SLC4A4: variants seen among roughly 807,000 people sequenced by gnomAD.
SLC4A4 encodes the protein electrogenic sodium bicarbonate cotransporter 1.
In SLC4A4, 27 loss-of-function variants were observed where a neutral mutation model predicts 111.5. The observed-to-expected ratio is 0.24, with a 90% confidence interval of 0.18 to 0.33. The LOEUF is 0.33. SLC4A4 is among the 10% of genes least tolerant of loss of function. SLC4A4 has a pLI of 1.00. For missense variants in SLC4A4, 909 were observed against 1,315.5 expected, an observed-to-expected ratio of 0.69 and a Z score of 4.78; for synonymous variants, 443 against 463.4, an observed-to-expected ratio of 0.96 and a Z score of 0.57.
chr4:71,483,764 G>A (rs1729112003), intron 14 of SLC4A4, among the ~76,000 whole-genome samples: 1 of 151,940 alleles, frequency 6.6e-6, no homozygotes, highest in African/African-American at 2.4e-5. Context: ...TTTCCACAAT[G>A]GTTGAACTAA....
At chr4:71,177,691 G>T (rs889673780) in intron 2 of SLC4A4, among the ~76,000 whole-genome samples, 1 of 152,106 alleles carries the variant, frequency 6.6e-6, no homozygotes, top group African/African-American at 2.4e-5. Context: ...CATCCTTAGT[G>T]ACCTACAAAG....
chr4:71,337,650 T>G (rs1235325178), intron 3 of SLC4A4, among the ~76,000 whole-genome samples: 1 of 152,192 alleles, frequency 6.6e-6, no homozygotes, highest in Non-Finnish European at 1.5e-5. Context: ...ATACACTATT[T>G]AAAAATTTTC....
chr4:71,118,671 T>C (rs1307516058), intron 2 of SLC4A4, among the ~76,000 whole-genome samples: 1 of 152,194 alleles, frequency 6.6e-6, no homozygotes, highest in African/African-American at 2.4e-5. Context: ...TTATTTGATG[T>C]AGAATTCTAG....
At chr4:71,511,992 TCA>T (rs2149176263) in intron 16 of SLC4A4, among the ~76,000 whole-genome samples, 1 of 152,288 alleles carries the variant, frequency 6.6e-6, no homozygotes, top group African/African-American at 2.4e-5. Flanking sequence ...TATGTATATG[TCA>T]CATTTTCTTT....
chr4:71,067,963 G>C (rs1741566717), intron 1 of SLC4A4, among the ~76,000 whole-genome samples: 1 of 151,644 alleles, frequency 6.6e-6, no homozygotes, highest in Non-Finnish European at 1.5e-5. Context: ...TGCCTAGTTT[G>C]GTCTCAAACT....
intron 16 of SLC4A4, among the ~76,000 whole-genome samples, chr4:71,530,946 G>C (rs1733858129): frequency 6.6e-6 from 1 of 152,032 alleles, no homozygotes; most frequent in South Asian, 2.1e-4. Context: ...CTCAACCTTG[G>C]TTTTATTTAG....
At chr4:71,567,675 A>G (rs1174344778) in intron 25 of SLC4A4, 113 bp from the exon 26 acceptor site, 2 of 550,828 alleles carry the variant, frequency 3.6e-6, no homozygotes, top group Non-Finnish European at 6.4e-6. Flanking sequence ...GAATATAAAT[A>G]TTAAAAGAGA....
At chr4:71,557,642 G>C in intron 21 of SLC4A4, 70 bp from the exon 22 acceptor site, 1 of 1,429,536 alleles carries the variant, frequency 7.0e-7, no homozygotes, top group South Asian at 1.2e-5. Flanking sequence ...TAAATCAGTA[G>C]TGATTAGTTA....
chr4:71,439,915 A>G (rs1336066994), intron 7 of SLC4A4, among the ~76,000 whole-genome samples: 1 of 151,474 alleles, frequency 6.6e-6, no homozygotes, highest in East Asian at 2.0e-4. Flanking sequence ...TACCTATGCA[A>G]CTTCTTTGCC....
intron 13 of SLC4A4, among the ~76,000 whole-genome samples, chr4:71,468,507 G>A (rs1415211265): frequency 6.6e-6 from 1 of 151,884 alleles, no homozygotes; most frequent in African/African-American, 2.4e-5. Context: ...AGTTCCAAGT[G>A]ATTTATTTGA....
intron 2 of SLC4A4, among the ~76,000 whole-genome samples, chr4:71,179,687 C>G (rs576192384): frequency 1.7e-3 from 258 of 152,176 alleles, no homozygotes; most frequent in African/African-American, 5.9e-3. Context: ...AACCGCTGCT[C>G]AATGAAATAA....
chr4:71,494,185 A>G (rs1478234288), intron 15 of SLC4A4, among the ~76,000 whole-genome samples: 1 of 152,072 alleles, frequency 6.6e-6, no homozygotes. Flanking sequence ...CAAACTTACA[A>G]CAGTGAACAT....
At chr4:71,212,664 C>T (rs1718200806) in intron 1 of SLC4A4, among the ~76,000 whole-genome samples, 1 of 152,120 alleles carries the variant, frequency 6.6e-6, no homozygotes, top group South Asian at 2.1e-4. Flanking sequence ...ATGACATTTC[C>T]TGTGTGCACG....
intron 2 of SLC4A4, among the ~76,000 whole-genome samples, chr4:71,178,453 C>T (rs1482595939): frequency 4.6e-5 from 7 of 151,678 alleles, no homozygotes; most frequent in South Asian, 2.1e-4. Flanking sequence ...ATTGATAGAC[C>T]GCTAGCAAGA....
chr4:71,102,918 C>A (rs1742802177), intron 2 of SLC4A4, among the ~76,000 whole-genome samples: 1 of 150,922 alleles, frequency 6.6e-6, no homozygotes, highest in African/African-American at 2.4e-5. Flanking sequence ...TCACACATAA[C>A]AATATTAACT....
chr4:71,081,449 G>A (rs755816842), intron 1 of SLC4A4, among the ~76,000 whole-genome samples: 2 of 152,122 alleles, frequency 1.3e-5, no homozygotes, highest in African/African-American at 2.4e-5. Flanking sequence ...CTGCAGCTGT[G>A]CTGGTGCTGG....
chr4:71,212,171 AT>A (rs1415045364), intron 1 of SLC4A4, among the ~76,000 whole-genome samples: 1 of 152,162 alleles, frequency 6.6e-6, no homozygotes, highest in Non-Finnish European at 1.5e-5. Flanking sequence ...TTTAGGTCTA[AT>A]TTTAAAATTG....
intron 12 of SLC4A4, among the ~76,000 whole-genome samples, chr4:71,462,001 G>A (rs1315297461): frequency 2.6e-5 from 4 of 152,110 alleles, no homozygotes; most frequent in African/African-American, 9.7e-5. Context: ...TAGACCTAAA[G>A]AGGCTTTTTT....
At chr4:71,112,783 C>T (rs565149312) in intron 2 of SLC4A4, among the ~76,000 whole-genome samples, 1 of 152,152 alleles carries the variant, frequency 6.6e-6, no homozygotes, top group Admixed American at 6.5e-5. Flanking sequence ...TTCTAGTGTT[C>T]CTGGTTAATG....
Sources: gnomAD v4.1 joint callset for allele counts (sites outside exome capture counted in the v4.1 genomes callset) on GRCh38, gnomAD v4.1.1 for gene constraint, MANE v1.5 for transcripts, NCBI Gene and HGNC (gene_info 2026-07-23, HGNC 2026-07-21) for gene names.